Variants in DLC1 observed in about 807,000 individuals in gnomAD.
DLC1 encodes DLC1 Rho GTPase activating protein.
A neutral mutation model predicts 140.3 loss-of-function variants in DLC1; 54 were observed. That is an observed-to-expected ratio of 0.38 (90% CI 0.31 to 0.48). The LOEUF (loss-of-function observed/expected upper bound fraction) is 0.48. Ranked by LOEUF, DLC1 falls within the 20% of genes least tolerant of loss-of-function variation. DLC1 has a pLI of 0.96. For missense variants in DLC1, 2,536 were observed against 1,907.0 expected, an observed-to-expected ratio of 1.33 and a Z score of -6.14; for synonymous variants, 986 against 728.1, an observed-to-expected ratio of 1.35 and a Z score of -5.70.
chr8:13,559,158 G>A (rs946665952), intron 1 of DLC1: 1 of 152,160 alleles, frequency 6.6e-6, no homozygotes, highest in Admixed American at 6.5e-5. Context: ...TGGTCAGTGC[G>A]ATATAAAGGA....
rs542482750 is a variant in DLC1, at chr8:13,301,598, G to C, written c.1348+3671C>G. ...TAAGTGACTTGCTCAAGGCCATACA[G>C]ATAGGAAGCAGATGTGCTTGAGGGT... On this transcript the variant is annotated intron_variant, in intron 5 of 17. Coordinates refer to ENST00000276297, the MANE Select transcript of DLC1 (RefSeq NM_182643.3). Among the ~76,000 whole-genome samples the C allele has an allele frequency of 4.6e-5, 7 of 152,360 alleles. No homozygotes were observed. The South Asian group carries it at 1.2e-3, about 27-fold the overall frequency.
At chr8:13,543,978 C>T (rs1803570916) in intron 1 of DLC1, among the ~76,000 whole-genome samples, 1 of 151,230 alleles carries the variant, frequency 6.6e-6, no homozygotes, top group African/African-American at 2.4e-5. Flanking sequence ...ACCAGTTGTA[C>T]CCCAAAAGCT....
At chr8:13,539,185 G>A (rs4607614) in intron 1 of DLC1, among the ~76,000 whole-genome samples, 16,496 of 151,362 alleles carry the variant, frequency 0.11, 1,148 homozygotes, top group Non-Finnish European at 0.14. Context: ...GTATGTATGT[G>A]TGTATGTATG....
chr8:13,370,410 TCA>T (rs888546111), intron 4 of DLC1, among the ~76,000 whole-genome samples: 2 of 152,190 alleles, frequency 1.3e-5, no homozygotes, highest in Non-Finnish European at 2.9e-5. Context: ...TTGTTTTCTC[TCA>T]GTGTTTTATT....
At chr8:13,381,539 A>G (rs149499050) in intron 4 of DLC1, among the ~76,000 whole-genome samples, 1 of 152,356 alleles carries the variant, frequency 6.6e-6, no homozygotes, top group East Asian at 1.9e-4. Context: ...AAGGCGTGGC[A>G]GTCTCTGTCG....
chr8:13,415,033 C>T (rs753521834), intron 2 of DLC1, among the ~76,000 whole-genome samples: 3 of 152,110 alleles, frequency 2.0e-5, no homozygotes, highest in African/African-American at 4.8e-5. Context: ...AGGCTGGTCT[C>T]GAACTCCTGA....
At chr8:13,096,546 C>G (rs920480860) in intron 10 of DLC1, among the ~76,000 whole-genome samples, 1 of 151,698 alleles carries the variant, frequency 6.6e-6, no homozygotes, top group Non-Finnish European at 1.5e-5. Flanking sequence ...GAGAAAAGCC[C>G]GACGGCGGAA....
intron 3 of DLC1, among the ~76,000 whole-genome samples, chr8:13,394,490 G>A (rs58663922): frequency 0.074 from 11,283 of 152,080 alleles, 1,390 homozygotes; most frequent in African/African-American, 0.26. Context: ...TGCAAAGGCT[G>A]CGCATTTAAT....
intron 5 of DLC1, among the ~76,000 whole-genome samples, chr8:13,143,534 C>T (rs117118944): frequency 0.012 from 1,837 of 152,200 alleles, 20 homozygotes; most frequent in South Asian, 0.049. Flanking sequence ...CGGTTCACTG[C>T]AGCCTTGTAC....
intron 2 of DLC1, among the ~76,000 whole-genome samples, chr8:13,441,739 G>A (rs571866975): frequency 2.0e-5 from 3 of 152,086 alleles, no homozygotes; most frequent in African/African-American, 4.8e-5. Context: ...AACATTCCAT[G>A]CTCATGGGTA....
At chr8:13,113,083 T>G (rs1021818894) in intron 6 of DLC1, among the ~76,000 whole-genome samples, 2 of 152,150 alleles carry the variant, frequency 1.3e-5, no homozygotes, top group Non-Finnish European at 2.9e-5. Context: ...AAAAATCTGG[T>G]AGGTATTAAA....
At chr8:13,353,187 C>G (rs1178854128) in intron 4 of DLC1, among the ~76,000 whole-genome samples, 1 of 152,166 alleles carries the variant, frequency 6.6e-6, no homozygotes, top group Non-Finnish European at 1.5e-5. Flanking sequence ...CCAGGTGAGG[C>G]CTGCCCTGCC....
intron 2 of DLC1, among the ~76,000 whole-genome samples, chr8:13,452,598 C>T (rs1799118676): frequency 6.6e-6 from 1 of 152,152 alleles, no homozygotes; most frequent in South Asian, 2.1e-4. Flanking sequence ...TGTTTTCTGA[C>T]TTGAGCTCCT....
At position 13,092,663 on chromosome 8, in the gene DLC1, G is replaced by C. The variant is rs759769870; in HGVS notation, c.3689C>G (p.Ala1230Gly). The C allele has an allele frequency of 6.2e-7, 1 of 1,614,060 alleles. No individual in the cohort carries two copies. The highest frequency in any genetic ancestry group is 8.5e-7 in the Non-Finnish European group (1 of 1,180,046). The change falls in exon 13 of 18, where the codon GCG becomes GGG. Residue 1230 changes from alanine (A) to glycine (G), a missense_variant. Physicochemically the swap from Ala to Gly is moderately conservative, Grantham distance 60 (BLOSUM62 0). Coordinates refer to ENST00000276297, the MANE Select transcript of DLC1 (RefSeq NM_182643.3). ...GGTGTTGAGATGGAAGAGGGAAGGCGCTAAGCACACGGCCAGGTTGGTTGG... is the reference window on the plus strand; with the variant it reads ...GGTGTTGAGATGGAAGAGGGAAGGCCCTAAGCACACGGCCAGGTTGGTTGG... ...MTPTNLAVCL[A>G]PSLFHLNTLK... is the part of the protein sequence containing the mutation.
intron 5 of DLC1, among the ~76,000 whole-genome samples, chr8:13,200,011 T>A (rs1398082702): frequency 1.1e-4 from 16 of 152,200 alleles, no homozygotes. Context: ...ATTAATTCAC[T>A]TAATCCTCAT....
At chr8:13,353,828 G>A (rs1470160278) in intron 4 of DLC1, among the ~76,000 whole-genome samples, 1 of 151,554 alleles carries the variant, frequency 6.6e-6, no homozygotes, top group African/African-American at 2.4e-5. Flanking sequence ...CTGCACTCCA[G>A]CCTGGGGGAC....
intron 4 of DLC1, among the ~76,000 whole-genome samples, chr8:13,355,920 TA>T (rs200994373): frequency 0.15 from 21,615 of 147,200 alleles, 1,721 homozygotes; most frequent in Non-Finnish European, 0.18. Flanking sequence ...CCGTCTCTAC[TA>T]AAAAAAAAAT....
intron 5 of DLC1, among the ~76,000 whole-genome samples, chr8:13,233,405 C>T (rs1048379278): frequency 6.7e-6 from 1 of 149,906 alleles, no homozygotes; most frequent in African/African-American, 2.5e-5. Flanking sequence ...GCCATTTTTA[C>T]CCTCATTTCA....
At position 13,100,524 on chromosome 8, in the gene DLC1, TG is replaced by T; in HGVS notation, c.1812del (p.Ser605AlafsTer49). ...GCATCCTCGCTGGGGGGCGCGTGGC[TG>T]GGGAGGCTGCCAGTGCTGCTGAGGC... is the stretch of plus-strand genomic sequence containing the variant. ...VRSLSSTGSLPSHAPPSEDAA... is the reference protein window; with the variant it reads ...VRSLSSTGSLXSHAPPSEDAA... On this transcript the variant is annotated frameshift_variant, in exon 9 of 18. Transcript: ENST00000276297. LOFTEE classifies it high-confidence loss of function. The T allele has an allele frequency of 1.2e-6, 2 of 1,612,678 alleles. No individual in the cohort carries two copies. Among genetic ancestry groups the T allele is most frequent in the Non-Finnish European group, 8.5e-7 (1 of 1,179,848 alleles).
Sources: allele counts gnomAD v4.1 joint callset (sites outside exome capture counted in the v4.1 genomes callset), GRCh38; gene constraint gnomAD v4.1.1; transcripts MANE v1.5; gene names NCBI Gene and HGNC (gene_info 2026-07-23, HGNC 2026-07-21).